The following POU6F2 variants were observed in gnomAD, a reference collection of about 807,000 sequenced individuals.
POU6F2 encodes POU domain, class 6, transcription factor 2.
POU6F2 carries 31 observed loss-of-function variants against 71.3 expected under a neutral mutation model. The ratio of observed to expected loss-of-function variants is 0.43; its 90% CI spans 0.33 to 0.59. POU6F2 has a LOEUF of 0.59. POU6F2 is among the 20% of genes least tolerant of loss of function. The pLI, the probability that POU6F2 is intolerant of heterozygous loss-of-function variation, is 0.04. For synonymous variants in POU6F2, 347 were observed against 355.7 expected (o/e 0.98, Z 0.27); for missense variants, 783 against 856.8 (o/e 0.91, Z 1.07).
At chr7:39,242,198 A>G (rs1002304757) in intron 4 of POU6F2, among the ~76,000 whole-genome samples, 2 of 152,070 alleles carry the variant, frequency 1.3e-5, no homozygotes, top group Non-Finnish European at 2.9e-5. Context: ...CTGTGAACAT[A>G]AATTTTTATT....
intron 4 of POU6F2, among the ~76,000 whole-genome samples, chr7:39,270,964 A>G (rs766506444): frequency 1.2e-4 from 19 of 152,128 alleles, no homozygotes; most frequent in Non-Finnish European, 2.5e-4. Context: ...TCTCTGTCAG[A>G]GTCCTGGCCC....
At chr7:39,251,173 T>A (rs942819680) in intron 4 of POU6F2, among the ~76,000 whole-genome samples, 1 of 152,228 alleles carries the variant, frequency 6.6e-6, no homozygotes, top group Non-Finnish European at 1.5e-5. Flanking sequence ...AGAAAAGAGA[T>A]ATGGGCTCTA....
intron 2 of POU6F2, among the ~76,000 whole-genome samples, chr7:39,113,623 G>T (rs1390353627): frequency 2.6e-5 from 4 of 152,176 alleles, no homozygotes; most frequent in Non-Finnish European, 5.9e-5. Flanking sequence ...AGAAGTCGTT[G>T]TGATATTATT....
At chr7:39,116,625 C>T (rs1447458496) in intron 2 of POU6F2, among the ~76,000 whole-genome samples, 1 of 152,054 alleles carries the variant, frequency 6.6e-6, no homozygotes, top group Non-Finnish European at 1.5e-5. Flanking sequence ...GTCTCTCTGG[C>T]CCCCAAAGGC....
chr7:39,008,967 G>C (rs1171290074), intron 1 of POU6F2, among the ~76,000 whole-genome samples: 3 of 151,712 alleles, frequency 2.0e-5, no homozygotes, highest in Non-Finnish European at 4.4e-5. Context: ...GATGCCTCCA[G>C]CTTTGTTCTT....
At chr7:39,447,802 T>C (rs902771757) in intron 7 of POU6F2, among the ~76,000 whole-genome samples, 1 of 152,222 alleles carries the variant, frequency 6.6e-6, no homozygotes, top group Non-Finnish European at 1.5e-5. Flanking sequence ...AATTTTTGTG[T>C]CCGGTTATGT....
chr7:39,180,149 A>C (rs1446610173), intron 2 of POU6F2, among the ~76,000 whole-genome samples: 1 of 152,182 alleles, frequency 6.6e-6, no homozygotes, highest in Non-Finnish European at 1.5e-5. Context: ...TGTAGCAGTA[A>C]CTGCTAATGG....
intron 1 of POU6F2, among the ~76,000 whole-genome samples, chr7:39,084,784 G>A (rs1791200676): frequency 6.6e-6 from 1 of 152,208 alleles, no homozygotes; most frequent in Non-Finnish European, 1.5e-5. Context: ...CGCCCCACCT[G>A]CTTCTGTGCT....
intron 8 of POU6F2, among the ~76,000 whole-genome samples, chr7:39,459,924 G>A (rs1316740382): frequency 6.6e-6 from 1 of 152,136 alleles, no homozygotes; most frequent in African/African-American, 2.4e-5. Context: ...GGGGACAAAG[G>A]CGTCTGTGTC....
intron 2 of POU6F2, among the ~76,000 whole-genome samples, chr7:39,094,643 A>G (rs1562703772): frequency 6.6e-6 from 1 of 152,126 alleles, no homozygotes; most frequent in Admixed American, 6.6e-5. Context: ...CAATATGGCA[A>G]GATTTATTTT....
rs1789090166 is a variant in POU6F2 at position 39,467,154 on chromosome 7, A to G, written c.*2468A>G. 6.6e-6 allele frequency: 1 copy of G among 152,218 alleles called. No homozygotes were observed. Among genetic ancestry groups the G allele is most frequent in the Non-Finnish European group, 1.5e-5 (1 of 68,032 alleles). 9.4% of individuals were successfully genotyped at this position (152,218 alleles called of 1,614,324 possible). ...AATATATTCATCCGACAGTCGTAAC[A>G]CCATTCATGTGCAGTGATTTTTTTA... On this transcript the variant is annotated 3_prime_UTR_variant, in exon 10 of 10. Transcript: ENST00000518318.
chr7:39,266,563 C>T (rs1784245830), intron 4 of POU6F2, among the ~76,000 whole-genome samples: 1 of 151,972 alleles, frequency 6.6e-6, no homozygotes, highest in Non-Finnish European at 1.5e-5. Flanking sequence ...TGGGGACTTG[C>T]TATGTTGCCT....
intron 4 of POU6F2, among the ~76,000 whole-genome samples, chr7:39,321,116 T>A (rs1224970136): frequency 6.6e-6 from 1 of 152,172 alleles, no homozygotes; most frequent in African/African-American, 2.4e-5. Flanking sequence ...TATATTGTAA[T>A]AAAAGTTATA....
chr7:39,456,075 G>A (rs1442672768), intron 8 of POU6F2, among the ~76,000 whole-genome samples: 1 of 152,102 alleles, frequency 6.6e-6, no homozygotes, highest in Non-Finnish European at 1.5e-5. Context: ...AATATATCAG[G>A]CTCATGTAAT....
intron 1 of POU6F2, among the ~76,000 whole-genome samples, chr7:38,978,451 T>C (rs756688478): frequency 2.3e-4 from 35 of 152,236 alleles, no homozygotes; most frequent in Non-Finnish European, 3.8e-4. Flanking sequence ...TGCTGTTCAA[T>C]ATTTTTATTT....
Position 39,282,232 on chromosome 7 carries a change from C to T in POU6F2, c.599-57410C>T, listed in dbSNP as rs146665613. ...AGTTTGCAAATATTTTCTCCTATTC[C>T]GTAGGTTGTCTCTTCACTCTGTTGA... On this transcript the variant is annotated intron_variant, in intron 4 of 9. Coordinates refer to ENST00000518318, the MANE Select transcript of POU6F2 (RefSeq NM_001370959.1). Among the ~76,000 whole-genome samples the T allele has an allele frequency of 1.5e-3, 228 of 152,056 alleles. 1 individual carries two copies. The highest frequency in any genetic ancestry group is 4.4e-3 in the African/African-American group (182 of 41,510).
chr7:39,151,969 G>A (rs575312436), intron 2 of POU6F2, among the ~76,000 whole-genome samples: 8 of 152,168 alleles, frequency 5.3e-5, no homozygotes, highest in Non-Finnish European at 1.2e-4. Context: ...AGTAACATCA[G>A]CGTGGCTTAT....
intron 1 of POU6F2, among the ~76,000 whole-genome samples, chr7:38,985,564 T>A (rs1275705188): frequency 6.6e-6 from 1 of 152,102 alleles, no homozygotes; most frequent in Non-Finnish European, 1.5e-5. Context: ...AAGTGATGAT[T>A]GTGGGATGAA....
At chr7:39,231,209 T>G (rs1314194410) in intron 4 of POU6F2, among the ~76,000 whole-genome samples, 1 of 152,140 alleles carries the variant, frequency 6.6e-6, no homozygotes, top group East Asian at 1.9e-4. Flanking sequence ...AATCTGAAAG[T>G]GTAAGTGTGT....
Sources: allele counts gnomAD v4.1 joint callset (sites outside exome capture counted in the v4.1 genomes callset), GRCh38; gene constraint gnomAD v4.1.1; transcripts MANE v1.5; gene names NCBI Gene and HGNC (gene_info 2026-07-23, HGNC 2026-07-21).